LIPA: variants seen among roughly 807,000 people sequenced by gnomAD.
LIPA encodes the protein lysosomal acid lipase/cholesteryl ester hydrolase.
LIPA carries 26 observed loss-of-function variants against 40.6 expected under a neutral mutation model. The ratio of observed to expected loss-of-function variants is 0.64; its 90% CI spans 0.47 to 0.89. The LOEUF (loss-of-function observed/expected upper bound fraction) is 0.89. LIPA is among the 40% of genes least tolerant of loss of function. The probability of loss-of-function intolerance (pLI) is 0.00; values close to 1 mark genes in which losing one functional copy is unlikely to be tolerated. For synonymous variants in LIPA, 188 were observed against 168.4 expected, an observed-to-expected ratio of 1.12 and a Z score of -0.90; for missense variants, 455 against 479.6, an observed-to-expected ratio of 0.95 and a Z score of 0.48.
rs548769428 is a variant in LIPA, at chr10:89,266,085, T to A, written c.-1-18436A>T. ...ATGATATATGTTTTCTATCCTCAGATTCTCACATAAAAAATACCTTGTACA... is the reference window on the plus strand; with the variant it reads ...ATGATATATGTTTTCTATCCTCAGAATCTCACATAAAAAATACCTTGTACA... On this transcript the variant is annotated intron_variant, in intron 1 of 5. Coordinates refer to the LIPA transcript ENST00000282673. Among the ~76,000 whole-genome samples, 3 of 152,300 alleles carry A rather than the reference T, an allele frequency of 2.0e-5. No individual in the cohort carries two copies. In the South Asian group the frequency reaches 6.2e-4, roughly 32 times the overall value.
intron 8 of LIPA, among the ~76,000 whole-genome samples, chr10:89,218,347 A>G (rs1014686070): frequency 1.3e-5 from 2 of 152,376 alleles, no homozygotes; most frequent in African/African-American, 4.8e-5. Flanking sequence ...TGCAAAAAAC[A>G]AAATGATAAT....
rs183173029 is a variant in LIPA, at chr10:89,256,957, T to C, written c.-1-9308A>G. 6.6e-5 allele frequency among the ~76,000 whole-genome samples: 10 copies of C among 152,348 alleles called. No individual in the cohort carries two copies. In the East Asian group the frequency reaches 1.7e-3, roughly 26 times the overall value. On this transcript the variant is annotated intron_variant, in intron 1 of 5. Coordinates refer to the LIPA transcript ENST00000282673. ...AAGGAGACTCTACATAAGAAAATGA[T>C]ATTTATTCAGGTTTGCAATGTGAAT...
intron 2 of LIPA, among the ~76,000 whole-genome samples, chr10:89,370,187 C>T (rs185296477): frequency 6.6e-6 from 1 of 151,922 alleles, no homozygotes; most frequent in African/African-American, 2.4e-5. Flanking sequence ...ATATAGCTAG[C>T]GGTGGCACAG....
intron 1 of LIPA, among the ~76,000 whole-genome samples, chr10:89,341,281 G>A (rs868069328): frequency 2.0e-5 from 3 of 152,304 alleles, no homozygotes; most frequent in Non-Finnish European, 4.4e-5. Flanking sequence ...CAGAGTGTGA[G>A]GGACATCAGT....
intron 1 of LIPA, among the ~76,000 whole-genome samples, chr10:89,286,157 C>T (rs1284351291): frequency 5.3e-5 from 8 of 152,118 alleles, no homozygotes; most frequent in Non-Finnish European, 8.8e-5. Flanking sequence ...TGCCTGACGT[C>T]CAGGCATTCT....
chr10:89,312,039 C>G (rs887836781), intron 1 of LIPA, among the ~76,000 whole-genome samples: 2 of 152,158 alleles, frequency 1.3e-5, no homozygotes, highest in African/African-American at 4.8e-5. Flanking sequence ...TCACTTTTAT[C>G]TTCCCTTTAC....
chr10:89,250,107 C>CTTTTTT (rs398038546), intron 1 of LIPA, among the ~76,000 whole-genome samples: 3 of 96,074 alleles, frequency 3.1e-5, no homozygotes, highest in South Asian at 4.6e-4. Context: ...TCTTTTCTTT[C>CTTTTTT]TTTTTTTTTT....
At chr10:89,245,161 A>G (rs1240388771) in intron 3 of LIPA, among the ~76,000 whole-genome samples, 4 of 152,186 alleles carry the variant, frequency 2.6e-5, no homozygotes, top group Non-Finnish European at 4.4e-5. Context: ...TTTGCATTCA[A>G]ATGGAGGCAA....
rs757518172 is a variant in LIPA at position 89,402,616 on chromosome 10, C to T, written c.61+10175G>A. On this transcript the variant is annotated intron_variant, in intron 2 of 8. Coordinates refer to the LIPA transcript ENST00000371837. ...TACCACATGGGCAGACTGGCAGAAGCCCAGACTTACCTGGACAAGGTGGAG... is the reference window on the plus strand; with the variant it reads ...TACCACATGGGCAGACTGGCAGAAGTCCAGACTTACCTGGACAAGGTGGAG... 107 of 1,614,066 alleles carry T rather than the reference C, an allele frequency of 6.6e-5. No homozygotes were observed. The South Asian group carries it at 1.1e-3, about 17-fold the overall frequency.
intron 2 of LIPA, among the ~76,000 whole-genome samples, chr10:89,359,580 G>A (rs768097229): frequency 6.6e-6 from 1 of 152,094 alleles, no homozygotes; most frequent in African/African-American, 2.4e-5. Context: ...TGACCTGAAG[G>A]GCCTCAAGGA....
At chr10:89,252,245 A>G (rs905391417), upstream of LIPA, among the ~76,000 whole-genome samples, 1 of 152,160 alleles carries the variant, frequency 6.6e-6, no homozygotes, top group African/African-American at 2.4e-5. Context: ...TAAATTTTTT[A>G]TTATTATTAA....
At chr10:89,412,268 G>A (rs565493705) in intron 2 of LIPA, among the ~76,000 whole-genome samples, 1 of 152,178 alleles carries the variant, frequency 6.6e-6, no homozygotes, top group South Asian at 2.1e-4. Flanking sequence ...GAACTTTTCT[G>A]TCTAGCTAAA....
chr10:89,287,959 A>G (rs923458038), intron 1 of LIPA, among the ~76,000 whole-genome samples: 1 of 152,080 alleles, frequency 6.6e-6, no homozygotes, highest in East Asian at 1.9e-4. Context: ...GATCTCAAAC[A>G]TGCTTTCTTT....
intron 1 of LIPA, among the ~76,000 whole-genome samples, chr10:89,265,443 C>A (rs1843231047): frequency 6.6e-6 from 1 of 152,178 alleles, no homozygotes; most frequent in Non-Finnish European, 1.5e-5. Context: ...GCCGCTGCTG[C>A]CATCAGAATC....
At chr10:89,260,137 C>T (rs1843200116) in intron 1 of LIPA, among the ~76,000 whole-genome samples, 1 of 152,196 alleles carries the variant, frequency 6.6e-6, no homozygotes, top group Non-Finnish European at 1.5e-5. Flanking sequence ...TAATACTTAA[C>T]ATTCATTATC....
intron 2 of LIPA, among the ~76,000 whole-genome samples, chr10:89,349,708 G>A (rs1279890447): frequency 1.3e-5 from 2 of 152,170 alleles, no homozygotes; most frequent in South Asian, 2.1e-4. Context: ...CACTCCCTGT[G>A]ATGTGTCCTC....
At chr10:89,349,276 T>C (rs1188333367) in intron 2 of LIPA, among the ~76,000 whole-genome samples, 1 of 152,118 alleles carries the variant, frequency 6.6e-6, no homozygotes, top group African/African-American at 2.4e-5. Context: ...CCATTCATTT[T>C]TCATCAAAAC....
chr10:89,302,046 G>A (rs1284444289), intron 1 of LIPA: 2 of 1,551,222 alleles, frequency 1.3e-6, no homozygotes, highest in Admixed American at 1.7e-5. Flanking sequence ...ATTTATTGGT[G>A]GCAGAAGAGG....
chr10:89,352,492 C>T (rs1419440176), intron 2 of LIPA, among the ~76,000 whole-genome samples: 1 of 152,108 alleles, frequency 6.6e-6, no homozygotes, highest in Non-Finnish European at 1.5e-5. Flanking sequence ...ATTTGGACAC[C>T]TCATTCAGCA....
Sources: allele counts gnomAD v4.1 joint callset (sites outside exome capture counted in the v4.1 genomes callset), GRCh38; gene constraint gnomAD v4.1.1; transcripts MANE v1.5; gene names NCBI Gene and HGNC (gene_info 2026-07-23, HGNC 2026-07-21).